The following CPVL variants were observed in gnomAD, a reference collection of about 807,000 sequenced individuals.
The protein encoded by CPVL is carboxypeptidase vitellogenic like.
CPVL carries 51 observed loss-of-function variants against 63.7 expected under a neutral mutation model. The ratio of observed to expected loss-of-function variants is 0.80; its 90% CI spans 0.64 to 1.01. The LOEUF is 1.01. Ranked by LOEUF, CPVL falls within the 50% of genes least tolerant of loss-of-function variation. The pLI, the probability that CPVL is intolerant of heterozygous loss-of-function variation, is 0.00. For synonymous variants in CPVL, 195 were observed against 206.0 expected, an observed-to-expected ratio of 0.95 and a Z score of 0.46; for missense variants, 530 against 573.1, an observed-to-expected ratio of 0.92 and a Z score of 0.77.
chr7:29,119,485 CAAAA>C (rs372819031), intron 2 of CPVL, among the ~76,000 whole-genome samples: 3 of 101,384 alleles, frequency 3.0e-5, no homozygotes, highest in Middle Eastern at 4.6e-3. Flanking sequence ...GATTCTGTCT[CAAAA>C]AAAAAAAAAA....
chr7:29,038,487 T>C (rs1232644241), intron 11 of CPVL, among the ~76,000 whole-genome samples: 2 of 152,204 alleles, frequency 1.3e-5, no homozygotes, highest in South Asian at 4.1e-4. Context: ...CCTTAGTCTA[T>C]GTTACTATGT....
At chr7:29,031,688 T>A (rs1788034888) in intron 11 of CPVL, among the ~76,000 whole-genome samples, 1 of 152,098 alleles carries the variant, frequency 6.6e-6, no homozygotes, top group Non-Finnish European at 1.5e-5. Flanking sequence ...AAATTATATA[T>A]ATTCATTGAG....
chr7:29,158,073 C>A (rs987913734), intron 5 of CPVL, among the ~76,000 whole-genome samples: 3 of 152,138 alleles, frequency 2.0e-5, no homozygotes, highest in African/African-American at 7.2e-5. Context: ...AAAAAAGACA[C>A]AATGAGCTCA....
intron 12 of CPVL, among the ~76,000 whole-genome samples, chr7:29,002,647 G>T (rs1784753395): frequency 6.6e-6 from 1 of 151,944 alleles, no homozygotes; most frequent in African/African-American, 2.4e-5. Context: ...AAGATGTTAG[G>T]TATAGAAAAA....
At chr7:29,073,984 C>A (rs1420761862) in intron 7 of CPVL, among the ~76,000 whole-genome samples, 1 of 152,174 alleles carries the variant, frequency 6.6e-6, no homozygotes, top group East Asian at 1.9e-4. Context: ...ATCTCCAAGG[C>A]CCTCCAGGGG....
intron 12 of CPVL, chr7:29,009,183 G>C (rs1368674309): frequency 1.1e-5 from 1 of 89,394 alleles, no homozygotes; most frequent in East Asian, 3.0e-4. Flanking sequence ...CAATTTGATG[G>C]CATTAAAAAA....
chr7:28,997,685 G>A (rs1001330436), intron 12 of CPVL, among the ~76,000 whole-genome samples: 3 of 150,822 alleles, frequency 2.0e-5, no homozygotes, highest in Non-Finnish European at 4.4e-5. Flanking sequence ...GCAAACACCG[G>A]TGTGGTGTTT....
At chr7:29,032,425 A>T (rs138960047) in intron 11 of CPVL, among the ~76,000 whole-genome samples, 258 of 152,270 alleles carry the variant, frequency 1.7e-3, no homozygotes, top group African/African-American at 5.8e-3. Context: ...AAAGCCTGTT[A>T]AAAAAATTCA....
At chr7:29,065,445 G>C (rs946059626) in intron 10 of CPVL, among the ~76,000 whole-genome samples, 6 of 143,766 alleles carry the variant, frequency 4.2e-5, no homozygotes, top group African/African-American at 7.8e-5. Flanking sequence ...ACCTACTTTG[G>C]CTCCTTCTGT....
chr7:29,007,592 G>T (rs1186207133), intron 12 of CPVL, among the ~76,000 whole-genome samples: 1 of 152,144 alleles, frequency 6.6e-6, no homozygotes, highest in Non-Finnish European at 1.5e-5. Flanking sequence ...ACACAGAAAG[G>T]AAATAGTCTT....
At chr7:29,087,658 A>G (rs1346494931) in intron 6 of CPVL, among the ~76,000 whole-genome samples, 2 of 152,226 alleles carry the variant, frequency 1.3e-5, no homozygotes, top group Non-Finnish European at 2.9e-5. Flanking sequence ...TTGTTGGCCC[A>G]GTTTCCTGCT....
intron 1 of CPVL, 94 bp downstream of exon 1, chr7:29,146,335 G>C (rs1271625325): frequency 2.0e-6 from 1 of 490,144 alleles, no homozygotes; most frequent in African/African-American, 1.9e-5. Context: ...GGGCTTTTGA[G>C]ACTACCTGCC....
chr7:29,185,719 T>A (rs772065666), intron 2 of CPVL: 2 of 152,202 alleles, frequency 1.3e-5, no homozygotes, highest in Non-Finnish European at 2.9e-5. Flanking sequence ...TCTGAGTGAT[T>A]CTCATATATA....
At chr7:29,057,923 G>A (rs909187126) in intron 11 of CPVL, among the ~76,000 whole-genome samples, 6 of 152,076 alleles carry the variant, frequency 3.9e-5, no homozygotes, top group African/African-American at 1.4e-4. Context: ...CTTAATTATT[G>A]TAGCTTTATG....
In CPVL at chr7:29,112,788, T is replaced by C; in HGVS notation, c.204A>G (p.Gly68=). 6.2e-7 allele frequency: 1 copy of C among 1,613,766 alleles called. No homozygotes were observed. The highest frequency in any genetic ancestry group is 8.5e-7 in the Non-Finnish European group (1 of 1,179,882). ...RELSLVGPFP[G]LNMKSYAGFL... is the part of the protein sequence containing the mutation. Reference sequence around the variant, plus strand: ...AGCCGGCATAACTCTTCATGTTCAGTCCTGGGAAAGGGCCGACCAAACTCA... The same window carrying C: ...AGCCGGCATAACTCTTCATGTTCAGCCCTGGGAAAGGGCCGACCAAACTCA... Residue 68 remains glycine, a synonymous_variant, in exon 3 of 13, where the codon GGA becomes GGG. Transcript: ENST00000265394.
At chr7:29,003,199 C>A (rs1267193810) in intron 12 of CPVL, among the ~76,000 whole-genome samples, 2 of 148,866 alleles carry the variant, frequency 1.3e-5, no homozygotes, top group Admixed American at 6.7e-5. Context: ...GAGAGAATAG[C>A]ATTTTGCTAA....
At chr7:29,038,455 C>G (rs1209197822) in intron 11 of CPVL, among the ~76,000 whole-genome samples, 1 of 152,164 alleles carries the variant, frequency 6.6e-6, no homozygotes, top group African/African-American at 2.4e-5. Context: ...CTGTAAGAAA[C>G]AATTTTTTCT....
intron 5 of CPVL, among the ~76,000 whole-genome samples, chr7:29,158,062 G>A (rs977598047): frequency 2.6e-5 from 4 of 152,094 alleles, no homozygotes; most frequent in Non-Finnish European, 4.4e-5. Flanking sequence ...AAATAAAGGA[G>A]AAAAAAGACA....
At chr7:29,108,218 G>A (rs1787913145) in intron 3 of CPVL, among the ~76,000 whole-genome samples, 1 of 152,210 alleles carries the variant, frequency 6.6e-6, no homozygotes, top group African/African-American at 2.4e-5. Context: ...CTCCGTGAAG[G>A]GGCCTAGGCC....
Sources: gnomAD v4.1 joint callset for allele counts (sites outside exome capture counted in the v4.1 genomes callset) on GRCh38, gnomAD v4.1.1 for gene constraint, MANE v1.5 for transcripts, NCBI Gene and HGNC (gene_info 2026-07-23, HGNC 2026-07-21) for gene names.